Variants in GCNT2 observed in about 807,000 individuals in gnomAD.
The protein encoded by GCNT2 is glucosaminyl (N-acetyl) transferase 2 (I blood group).
Under a neutral mutation model 34.2 loss-of-function variants are expected in GCNT2, and 34 were observed. The observed-to-expected ratio is 1.00, with a 90% CI of 0.76 to 1.32. The LOEUF (loss-of-function observed/expected upper bound fraction) is 1.32. GCNT2 is among the 40% of genes most tolerant of loss of function. The pLI is 0.00. For synonymous variants in GCNT2, 212 were observed against 188.0 expected (o/e 1.13, Z -1.04); for missense variants, 584 against 489.4 (o/e 1.19, Z -1.82).
At chr6:10,608,066 G>C (rs1000667819) in intron 3 of GCNT2, among the ~76,000 whole-genome samples, 2 of 148,020 alleles carry the variant, frequency 1.4e-5, no homozygotes, top group Non-Finnish European at 3.0e-5. Flanking sequence ...GAGTCAAATG[G>C]TATGCACTTT....
At position 10,555,915 on chromosome 6, in the gene GCNT2, G is replaced by A. The variant is rs972373232; in HGVS notation, c.925+26079G>A. The stretch of plus-strand genomic sequence containing the variant: ...AGGCCAGGCTGTGGATCCTTGCCAC[G>A]AACAACAAGAGAGGGCAAGTCCAGC... On this transcript the variant is annotated intron_variant, in intron 3 of 4. Transcript: ENST00000495262. The A allele has an allele frequency of 7.0e-6, 7 of 1,001,018 alleles. No individual in the cohort carries two copies. The South Asian group carries it at 3.1e-4, about 44-fold the overall frequency. 62.0% of individuals were successfully genotyped at this position (1,001,018 alleles called of 1,614,324 possible).
At chr6:10,555,907 C>T in intron 3 of GCNT2, 1 of 1,002,028 alleles carries the variant, frequency 1.0e-6, no homozygotes, top group South Asian at 4.3e-5. Flanking sequence ...GCTGTGGATC[C>T]TTGCCACGAA....
At chr6:10,553,768 C>A (rs1762577059) in intron 3 of GCNT2, among the ~76,000 whole-genome samples, 1 of 152,210 alleles carries the variant, frequency 6.6e-6, no homozygotes, top group South Asian at 2.1e-4. Context: ...GTGGCACATG[C>A]CTGTAATCCC....
chr6:10,557,365 T>C (rs772779447), intron 3 of GCNT2: 5 of 1,583,384 alleles, frequency 3.2e-6, no homozygotes, highest in Admixed American at 3.3e-5. Context: ...CCATATTTCA[T>C]GCAAAAGAAA....
At chr6:10,576,478 TC>T (rs1288367002) in intron 3 of GCNT2, among the ~76,000 whole-genome samples, 9 of 152,164 alleles carry the variant, frequency 5.9e-5, no homozygotes, top group African/African-American at 2.2e-4. Flanking sequence ...ATCGTGAGTT[TC>T]CTAGATAATT....
chr6:10,604,212 AT>A (rs1765214523), intron 3 of GCNT2, among the ~76,000 whole-genome samples: 1 of 151,874 alleles, frequency 6.6e-6, no homozygotes, highest in Non-Finnish European at 1.5e-5. Flanking sequence ...TTTCTTAATG[AT>A]TGTTACTTGT....
At chr6:10,542,893 CTTT>C (rs869251646) in intron 3 of GCNT2, among the ~76,000 whole-genome samples, 2 of 82,254 alleles carry the variant, frequency 2.4e-5, no homozygotes, top group East Asian at 3.8e-4. Context: ...TATGTTAATT[CTTT>C]TTTTTTTTTT....
chr6:10,570,365 G>A (rs939608378), intron 3 of GCNT2, among the ~76,000 whole-genome samples: 11 of 152,200 alleles, frequency 7.2e-5, no homozygotes, highest in Non-Finnish European at 1.0e-4. Flanking sequence ...TTGGGCTTTC[G>A]AAACTTTGCC....
intron 3 of GCNT2, among the ~76,000 whole-genome samples, chr6:10,612,595 A>T (rs1475544429): frequency 6.6e-6 from 1 of 152,204 alleles, no homozygotes; most frequent in African/African-American, 2.4e-5. Context: ...TATTAAAGGG[A>T]TTATATTTTC....
At chr6:10,531,727 G>C (rs1037056289) in intron 3 of GCNT2, among the ~76,000 whole-genome samples, 1 of 152,158 alleles carries the variant, frequency 6.6e-6, no homozygotes, top group African/African-American at 2.4e-5. Context: ...GTAGTGTCCA[G>C]AGTAAGGGAA....
intron 3 of GCNT2, among the ~76,000 whole-genome samples, chr6:10,621,129 A>C (rs529244183): frequency 1.2e-4 from 18 of 152,356 alleles, no homozygotes; most frequent in African/African-American, 4.3e-4. Flanking sequence ...TGATTGAATT[A>C]GATGTTATAC....
intron 3 of GCNT2, among the ~76,000 whole-genome samples, chr6:10,615,927 A>G (rs553316786): frequency 6.6e-6 from 1 of 152,198 alleles, no homozygotes; most frequent in Non-Finnish European, 1.5e-5. Flanking sequence ...CAAACTGTTT[A>G]TATCAGCAAG....
chr6:10,601,352 G>A (rs973496296), intron 3 of GCNT2, among the ~76,000 whole-genome samples: 29 of 152,196 alleles, frequency 1.9e-4, no homozygotes, highest in African/African-American at 5.1e-4. Flanking sequence ...TAGAAACACC[G>A]TGAACTTAAT....
intron 3 of GCNT2, among the ~76,000 whole-genome samples, chr6:10,545,180 C>T (rs1251148438): frequency 6.6e-6 from 1 of 152,050 alleles, no homozygotes; most frequent in African/African-American, 2.4e-5. Flanking sequence ...TATCCTTTTC[C>T]TCCCAGCTCT....
In GCNT2 at chr6:10,616,916, G is replaced by T. The variant is rs183211604; in HGVS notation, c.926-4435G>T. Among the ~76,000 whole-genome samples the T allele has an allele frequency of 2.3e-3, 344 of 152,348 alleles. 3 individuals are homozygous for T. Among genetic ancestry groups the T allele is most frequent in the African/African-American group, 7.8e-3 (326 of 41,580 alleles). The stretch of plus-strand genomic sequence containing the variant: ...AACCTTGAGCTAGAGACAGAGTGCT[G>T]ATTGGTGTATTTACAATCCCTTAGC... On this transcript the variant is annotated intron_variant, in intron 3 of 4. Coordinates refer to ENST00000495262, the MANE Select transcript of GCNT2 (RefSeq NM_145649.5).
chr6:10,531,109 T>C (rs1225990595), intron 3 of GCNT2, among the ~76,000 whole-genome samples: 1 of 152,092 alleles, frequency 6.6e-6, no homozygotes, highest in Non-Finnish European at 1.5e-5. Context: ...TCAATGTGAT[T>C]ACATGATGTG....
chr6:10,555,665 C>T (rs1026040544), intron 3 of GCNT2: 2 of 877,822 alleles, frequency 2.3e-6, no homozygotes, highest in African/African-American at 3.6e-5. Context: ...GAGTCAGGAG[C>T]CCAAGGCGCC....
intron 3 of GCNT2, chr6:10,530,217 TAGCC>T (rs1761419122): frequency 1.1e-5 from 2 of 189,576 alleles, no homozygotes; most frequent in Non-Finnish European, 2.2e-5. Context: ...CTAAAAAAAT[TAGCC>T]AGGCGTGGTG....
intron 3 of GCNT2, among the ~76,000 whole-genome samples, chr6:10,593,554 T>G (rs1392818482): frequency 6.6e-6 from 1 of 152,128 alleles, no homozygotes; most frequent in Non-Finnish European, 1.5e-5. Flanking sequence ...CCCAGGCTGG[T>G]CTCAAACTCC....
Sources: gnomAD v4.1 joint callset for allele counts (sites outside exome capture counted in the v4.1 genomes callset) on GRCh38, gnomAD v4.1.1 for gene constraint, MANE v1.5 for transcripts, NCBI Gene and HGNC (gene_info 2026-07-23, HGNC 2026-07-21) for gene names.